Variants in SKAP2 observed in about 807,000 individuals in gnomAD.
SKAP2 encodes src kinase associated phosphoprotein 2.
SKAP2 carries 28 observed loss-of-function variants against 54.9 expected under a neutral mutation model. That is an observed-to-expected ratio of 0.51 (90% CI 0.38 to 0.70). The LOEUF (loss-of-function observed/expected upper bound fraction) is 0.70. Ranked by LOEUF, SKAP2 falls within the 30% of genes least tolerant of loss-of-function variation. The pLI is 0.00. For missense variants in SKAP2, 356 were observed against 424.1 expected, an observed-to-expected ratio of 0.84 and a Z score of 1.41; for synonymous variants, 137 against 134.3, an observed-to-expected ratio of 1.02 and a Z score of -0.14.
intron 4 of SKAP2, among the ~76,000 whole-genome samples, chr7:26,821,057 A>C (rs921814604): frequency 2.6e-5 from 4 of 152,184 alleles, no homozygotes; most frequent in Admixed American, 1.3e-4. Flanking sequence ...GGATACAATA[A>C]TCTGTGCATT....
chr7:26,748,055 A>G (rs2127965156), intron 4 of SKAP2, among the ~76,000 whole-genome samples: 1 of 152,254 alleles, frequency 6.6e-6, no homozygotes, highest in Middle Eastern at 3.4e-3. Flanking sequence ...CTCATTTAAA[A>G]CTGCTTCTTT....
intron 1 of SKAP2, chr7:26,857,539 AAC>A (rs1554309202): frequency 1.0e-6 from 1 of 985,260 alleles, no homozygotes; most frequent in Non-Finnish European, 1.2e-6. Context: ...GTGTCTGAGC[AAC>A]ACACCGATCC....
At chr7:26,793,099 C>G (rs1783703310) in intron 4 of SKAP2, among the ~76,000 whole-genome samples, 2 of 152,204 alleles carry the variant, frequency 1.3e-5, no homozygotes, top group African/African-American at 4.8e-5. Context: ...GGCCTTATTT[C>G]TGAAGTGCTA....
chr7:26,837,125 A>G (rs1784730241), intron 4 of SKAP2, among the ~76,000 whole-genome samples: 1 of 152,118 alleles, frequency 6.6e-6, no homozygotes, highest in Non-Finnish European at 1.5e-5. Context: ...CATAAGTGGG[A>G]GTTGAACAAT....
chr7:26,676,061 T>C (rs1221320954), intron 11 of SKAP2, among the ~76,000 whole-genome samples: 1 of 152,220 alleles, frequency 6.6e-6, no homozygotes, highest in Non-Finnish European at 1.5e-5. Flanking sequence ...CTCCTTATCT[T>C]TTTTGTTTAT....
At chr7:26,841,977 T>C (rs181300576) in intron 4 of SKAP2, among the ~76,000 whole-genome samples, 34 of 152,002 alleles carry the variant, frequency 2.2e-4, no homozygotes, top group Non-Finnish European at 4.7e-4. Context: ...TGAGGTCACA[T>C]AATGAAGCAA....
At chr7:26,789,633 C>A (rs1001975354) in intron 4 of SKAP2, among the ~76,000 whole-genome samples, 1 of 152,120 alleles carries the variant, frequency 6.6e-6, no homozygotes, top group Non-Finnish European at 1.5e-5. Context: ...AAAATAATAA[C>A]TCTTGGTCAT....
chr7:26,665,878 T>C (rs1407516582), downstream of SKAP2, among the ~76,000 whole-genome samples: 1 of 152,148 alleles, frequency 6.6e-6, no homozygotes, highest in Non-Finnish European at 1.5e-5. Flanking sequence ...ACTTGTATAA[T>C]AATATTTTAA....
downstream of SKAP2, among the ~76,000 whole-genome samples, chr7:26,662,277 A>C (rs1172601503): frequency 1.3e-5 from 2 of 152,164 alleles, no homozygotes; most frequent in Non-Finnish European, 2.9e-5. Flanking sequence ...TTTTTTAAAA[A>C]TATTTTCATC....
intron 4 of SKAP2, among the ~76,000 whole-genome samples, chr7:26,821,018 G>A (rs1298104370): frequency 6.6e-6 from 1 of 152,124 alleles, no homozygotes; most frequent in Non-Finnish European, 1.5e-5. Context: ...AAGTCAGAGT[G>A]TCAAACCAGG....
At position 26,725,906 on chromosome 7, in the gene SKAP2, C is replaced by A. The variant is rs540955607; in HGVS notation, c.658+17G>T. 1 of 1,589,352 alleles carries A rather than the reference C, an allele frequency of 6.3e-7. No individual in the cohort carries two copies. On this transcript the variant is annotated intron_variant, in intron 8 of 12. Transcript: ENST00000345317. Reference sequence around the variant, plus strand: ...TATTTAAAGACTGTGATAACTTGTTCGATTGATTTATCTTACCTTGCAATA... The same window carrying A: ...TATTTAAAGACTGTGATAACTTGTTAGATTGATTTATCTTACCTTGCAATA...
At chr7:26,814,563 C>CAAA (rs397889100) in intron 4 of SKAP2, among the ~76,000 whole-genome samples, 2 of 90,182 alleles carry the variant, frequency 2.2e-5, no homozygotes, top group Admixed American at 1.2e-4. Flanking sequence ...CTTACACCAG[C>CAAA]AAAAAAAAAA....
In SKAP2 at chr7:26,838,467, A is replaced by G. The variant is rs546343147; in HGVS notation, c.307+5563T>C. On this transcript the variant is annotated intron_variant, in intron 4 of 12. Coordinates refer to ENST00000345317, the MANE Select transcript of SKAP2 (RefSeq NM_003930.5). ...ACCCGGTTCAAACTCTTCATTTCACATACCAGAAAATAAAAATCCAAAAAG... is the reference window on the plus strand; with the variant it reads ...ACCCGGTTCAAACTCTTCATTTCACGTACCAGAAAATAAAAATCCAAAAAG... Among the ~76,000 whole-genome samples the G allele has an allele frequency of 1.1e-4, 16 of 152,316 alleles. 1 individual carries two copies. In the South Asian group the frequency reaches 3.3e-3, roughly 32 times the overall value.
intron 1 of SKAP2, among the ~76,000 whole-genome samples, chr7:26,856,626 T>C (rs190262711): frequency 1.1e-4 from 16 of 152,266 alleles, no homozygotes; most frequent in African/African-American, 3.6e-4. Flanking sequence ...CGATATTAGC[T>C]GAAATGGAAA....
At chr7:26,724,260 T>A (rs1400380127) in intron 9 of SKAP2, among the ~76,000 whole-genome samples, 3 of 152,094 alleles carry the variant, frequency 2.0e-5, no homozygotes, top group Non-Finnish European at 2.9e-5. Context: ...CCAGATACAA[T>A]AATAAAACAA....
intron 4 of SKAP2, among the ~76,000 whole-genome samples, chr7:26,806,273 A>G (rs1043266957): frequency 1.3e-5 from 2 of 152,148 alleles, no homozygotes; most frequent in Non-Finnish European, 2.9e-5. Flanking sequence ...CTCACTTTAA[A>G]TCAAAAGCTA....
intron 9 of SKAP2, among the ~76,000 whole-genome samples, chr7:26,722,385 ATTTTTTTTT>A (rs35643377): frequency 3.4e-5 from 3 of 89,056 alleles, no homozygotes; most frequent in East Asian, 3.6e-4. Context: ...ATGCAATGCA[ATTTTTTTTT>A]TTTTTTTTTT....
chr7:26,862,815 G>C (rs185565600), intron 1 of SKAP2, among the ~76,000 whole-genome samples: 96 of 151,912 alleles, frequency 6.3e-4, no homozygotes, highest in African/African-American at 2.2e-3. Context: ...TGCACCCAGA[G>C]GTCTATATGT....
chr7:26,859,087 C>T (rs961514720), intron 1 of SKAP2, among the ~76,000 whole-genome samples: 10 of 152,000 alleles, frequency 6.6e-5, no homozygotes, highest in East Asian at 3.9e-4. Flanking sequence ...TATGCTTAGC[C>T]GCAGATCAAT....
Sources: gnomAD v4.1 joint callset for allele counts (sites outside exome capture counted in the v4.1 genomes callset) on GRCh38, gnomAD v4.1.1 for gene constraint, MANE v1.5 for transcripts, NCBI Gene and HGNC (gene_info 2026-07-23, HGNC 2026-07-21) for gene names.